The following SYT1 variants were observed in gnomAD, a reference collection of about 807,000 sequenced individuals.
SYT1 encodes synaptotagmin 1, also known as synaptotagmin-1.
In SYT1, 8 loss-of-function variants were observed where a neutral mutation model predicts 44.8. The observed-to-expected ratio is 0.18, with a 90% CI of 0.10 to 0.32. SYT1 has a LOEUF of 0.32. SYT1 is among the 10% of genes least tolerant of loss of function. The probability of loss-of-function intolerance (pLI) is 1.00; values close to 1 mark genes in which losing one functional copy is unlikely to be tolerated. For synonymous variants in SYT1, 154 were observed against 188.8 expected (o/e 0.82, Z 1.51); for missense variants, 286 against 509.3 (o/e 0.56, Z 4.22).
At chr12:79,344,374 T>C (rs2139058922) in intron 8 of SYT1, among the ~76,000 whole-genome samples, 1 of 152,346 alleles carries the variant, frequency 6.6e-6, no homozygotes, top group East Asian at 1.9e-4. Context: ...ATATCAGTTA[T>C]ACCAAAAAAT....
intron 1 of SYT1, among the ~76,000 whole-genome samples, chr12:78,976,401 G>A (rs935525055): frequency 6.6e-6 from 1 of 152,170 alleles, no homozygotes; most frequent in East Asian, 1.9e-4. Context: ...CTCTTGTGAA[G>A]AATCTGTTCC....
intron 1 of SYT1, among the ~76,000 whole-genome samples, chr12:78,879,512 C>G (rs746072284): frequency 3.3e-5 from 5 of 151,702 alleles, no homozygotes; most frequent in Non-Finnish European, 7.4e-5. Context: ...GTAGTCCTTC[C>G]CTAGTGTCTT....
intron 2 of SYT1, among the ~76,000 whole-genome samples, chr12:79,034,716 G>A (rs548322450): frequency 6.6e-6 from 1 of 151,786 alleles, no homozygotes; most frequent in Admixed American, 6.6e-5. Flanking sequence ...CTCCTCCAGT[G>A]AATCTCTGAA....
chr12:79,402,233 A>G (rs2136116321), intron 9 of SYT1, among the ~76,000 whole-genome samples: 1 of 152,274 alleles, frequency 6.6e-6, no homozygotes, highest in South Asian at 2.1e-4. Context: ...CCTCTAGGGA[A>G]CAGTAGCTCC....
At chr12:79,032,053 G>A (rs1872861281) in intron 2 of SYT1, among the ~76,000 whole-genome samples, 1 of 151,074 alleles carries the variant, frequency 6.6e-6, no homozygotes, top group Admixed American at 6.6e-5. Context: ...ATAAAAGTCA[G>A]GAGCATAGCT....
At chr12:78,953,469 A>G (rs1879067519) in intron 1 of SYT1, among the ~76,000 whole-genome samples, 2 of 152,106 alleles carry the variant, frequency 1.3e-5, no homozygotes, top group African/African-American at 2.4e-5. Context: ...GCATTTATGT[A>G]TACACTGACT....
At chr12:79,305,297 G>C (rs899342810) in intron 8 of SYT1, among the ~76,000 whole-genome samples, 2 of 152,190 alleles carry the variant, frequency 1.3e-5, no homozygotes, top group African/African-American at 4.8e-5. Flanking sequence ...AGCAAGGAGA[G>C]ATCCTGGACA....
intron 3 of SYT1, among the ~76,000 whole-genome samples, chr12:79,084,469 G>A (rs1023746913): frequency 6.6e-6 from 1 of 152,044 alleles, no homozygotes; most frequent in African/African-American, 2.4e-5. Flanking sequence ...TAAGGAGACC[G>A]AGACTCCAAG....
At chr12:78,924,205 T>A (rs961658034) in intron 1 of SYT1, among the ~76,000 whole-genome samples, 1 of 151,896 alleles carries the variant, frequency 6.6e-6, no homozygotes, top group Non-Finnish European at 1.5e-5. Flanking sequence ...CACTGCCCCA[T>A]TATGGTGATG....
At chr12:78,980,757 T>G (rs1869190199) in intron 2 of SYT1, among the ~76,000 whole-genome samples, 2 of 152,050 alleles carry the variant, frequency 1.3e-5, no homozygotes, top group South Asian at 4.1e-4. Context: ...TTAAGCCAAT[T>G]AGACAAAAAA....
intron 8 of SYT1, among the ~76,000 whole-genome samples, chr12:79,329,436 G>A (rs560171518): frequency 1.5e-4 from 23 of 152,284 alleles, no homozygotes; most frequent in African/African-American, 4.6e-4. Flanking sequence ...AGCTGAGCAC[G>A]AAATACACAA....
intron 2 of SYT1, among the ~76,000 whole-genome samples, chr12:78,982,753 A>G (rs1407847294): frequency 2.0e-5 from 3 of 152,200 alleles, no homozygotes; most frequent in Non-Finnish European, 1.5e-5. Flanking sequence ...ATGCTATATC[A>G]TAGTTATACT....
rs544775800 is a variant in SYT1, at chr12:79,023,860, G to A, written c.-83-23437G>A. The stretch of plus-strand genomic sequence containing the variant: ...TGTTTTCTGAACTATTCACCTATAG[G>A]TTAGAGACATCATACCTCTTTACTC... On this transcript the variant is annotated intron_variant, in intron 2 of 10. Transcript: ENST00000261205. Among the ~76,000 whole-genome samples, 5 of 151,440 alleles carry A rather than the reference G, an allele frequency of 3.3e-5. No homozygotes were observed. The East Asian group carries it at 7.8e-4, about 24-fold the overall frequency.
chr12:78,929,871 A>G (rs990518894), intron 1 of SYT1, among the ~76,000 whole-genome samples: 1 of 152,200 alleles, frequency 6.6e-6, no homozygotes, highest in Non-Finnish European at 1.5e-5. Flanking sequence ...TAATTGAGAA[A>G]GAATGTGGTG....
intron 8 of SYT1, among the ~76,000 whole-genome samples, chr12:79,340,198 T>A (rs113113720): frequency 0.023 from 3,494 of 152,294 alleles, 53 homozygotes; most frequent in Middle Eastern, 0.065. Flanking sequence ...TTTTTCCAAT[T>A]CTGTGAAGAA....
intron 1 of SYT1, among the ~76,000 whole-genome samples, chr12:78,896,732 C>A (rs776564032): frequency 1.3e-5 from 2 of 151,552 alleles, no homozygotes; most frequent in Admixed American, 6.6e-5. Context: ...TAAAACACTA[C>A]AAAATATGAT....
intron 3 of SYT1, among the ~76,000 whole-genome samples, chr12:79,145,415 A>C (rs1025791062): frequency 6.6e-6 from 1 of 152,116 alleles, no homozygotes; most frequent in African/African-American, 2.4e-5. Context: ...ATTTAAATTA[A>C]TATTTATTTT....
Position 79,256,486 on chromosome 12 carries a change from A to G in SYT1, c.167-29301A>G, listed in dbSNP as rs923284408. ...TCAAACCATTACCTTATCAAGCACA[A>G]ATGTGATGCCAATTCTTGTGATTTC... On this transcript the variant is annotated intron_variant, in intron 4 of 10. Transcript: ENST00000261205. 3.9e-5 allele frequency among the ~76,000 whole-genome samples: 6 copies of G among 152,208 alleles called. No homozygotes were observed. In the East Asian group the frequency reaches 1.2e-3, roughly 29 times the overall value.
intron 3 of SYT1, among the ~76,000 whole-genome samples, chr12:79,067,632 A>T (rs913119498): frequency 6.6e-6 from 1 of 152,220 alleles, no homozygotes; most frequent in Non-Finnish European, 1.5e-5. Context: ...CCAAGCAATT[A>T]GTTTGTAAGG....
Sources: allele counts gnomAD v4.1 joint callset (sites outside exome capture counted in the v4.1 genomes callset), GRCh38; gene constraint gnomAD v4.1.1; transcripts MANE v1.5; gene names NCBI Gene and HGNC (gene_info 2026-07-23, HGNC 2026-07-21).